YBEY: variants seen among roughly 807,000 people sequenced by gnomAD.
The protein encoded by YBEY is ybeY metalloendoribonuclease, also known as endoribonuclease YbeY.
In YBEY, 15 loss-of-function variants were observed where a neutral mutation model predicts 13.5. The ratio of observed to expected loss-of-function variants is 1.11; its 90% CI spans 0.75 to 1.72. The LOEUF (loss-of-function observed/expected upper bound fraction) is 1.72. Among genes scored for constraint, YBEY ranks in the 40% most tolerant of loss-of-function variants. The probability of loss-of-function intolerance (pLI) is 0.00; values close to 1 mark genes in which losing one functional copy is unlikely to be tolerated. For missense variants in YBEY, 244 were observed against 208.4 expected, an observed-to-expected ratio of 1.17 and a Z score of -1.05; for synonymous variants, 101 against 83.1, an observed-to-expected ratio of 1.21 and a Z score of -1.17.
At chr21:46,299,467 C>T (rs925187278), downstream of YBEY, among the ~76,000 whole-genome samples, 4 of 152,126 alleles carry the variant, frequency 2.6e-5, no homozygotes, top group African/African-American at 9.7e-5. Context: ...TGATTCTGGA[C>T]CCTCTTGCAA....
chr21:46,286,541 C>T (rs2081438425), intron 1 of YBEY, 126 bp downstream of exon 1: 1 of 205,666 alleles, frequency 4.9e-6, no homozygotes, highest in East Asian at 1.4e-4. Context: ...CCTGTCCCTC[C>T]CCCATTCCAG....
chr21:46,300,878 C>G, downstream of YBEY: 1 of 1,077,736 alleles, frequency 9.3e-7, no homozygotes, highest in Non-Finnish European at 1.2e-6. Flanking sequence ...ATAATTGCAC[C>G]CAAAAAAAAA....
the YBEY span, among the ~76,000 whole-genome samples, chr21:46,305,206 T>G: frequency 6.6e-6 from 1 of 151,560 alleles, no homozygotes; most frequent in Admixed American, 6.6e-5. Flanking sequence ...AGTCTGAGAT[T>G]TGCAAGATAA....
At chr21:46,299,287 G>A (rs1032887872), downstream of YBEY, among the ~76,000 whole-genome samples, 3 of 152,110 alleles carry the variant, frequency 2.0e-5, no homozygotes, top group African/African-American at 7.2e-5. Flanking sequence ...TGTTTCTTTA[G>A]GGAATGTGAG....
chr21:46,295,821 C>T (rs1359929401), intron 3 of YBEY, among the ~76,000 whole-genome samples: 2 of 151,910 alleles, frequency 1.3e-5, no homozygotes, highest in Non-Finnish European at 1.5e-5. Flanking sequence ...ACTGCCCCAC[C>T]ACCCCGTGGC....
the YBEY span, among the ~76,000 whole-genome samples, chr21:46,308,272 C>T: frequency 6.6e-6 from 1 of 152,050 alleles, no homozygotes; most frequent in African/African-American, 2.4e-5. Flanking sequence ...ACCAGCCTGG[C>T]CAACATGGAG....
Position 46,297,721 on chromosome 21 carries a change from G to T in YBEY, c.*87G>T. 1.6e-6 allele frequency: 2 copies of T among 1,253,398 alleles called. No individual in the cohort carries two copies. Among genetic ancestry groups the T allele is most frequent in the Non-Finnish European group, 2.0e-6 (2 of 991,004 alleles). 77.6% of individuals were successfully genotyped at this position (1,253,398 alleles called of 1,614,324 possible). On this transcript the variant is annotated 3_prime_UTR_variant, in exon 5 of 5. Transcript: ENST00000397701. ...GCACACGAATAAATAACGAATGAAC[G>T]TACGAGGGGAACCTCCTCTTATTTC...
At chr21:46,306,542 A>G in the YBEY span, among the ~76,000 whole-genome samples, 1 of 152,154 alleles carries the variant, frequency 6.6e-6, no homozygotes, top group Non-Finnish European at 1.5e-5. Flanking sequence ...CAGTTATACA[A>G]ACTCCCTCAG....
rs773002446 is a variant in YBEY at position 46,289,441 on chromosome 21, G to GTTTTTT, written c.211-1889_211-1888insTTTTTT. Among the ~76,000 whole-genome samples, 10 of 136,586 alleles carry GTTTTTT rather than the reference G, an allele frequency of 7.3e-5. 1 individual carries two copies. The highest frequency in any genetic ancestry group is 8.1e-5 in the Admixed American group (1 of 12,376). 89.6% of individuals were successfully genotyped at this position (136,586 alleles called of 152,430 possible). ...TTCAGGGAGGTAAAGGAAGGCAAGG[G>GTTTTTT]TTTTGTTTTTTTTTTTTTTTTTGAG... On this transcript the variant is annotated intron_variant, in intron 2 of 4. Coordinates refer to ENST00000397701, the MANE Select transcript of YBEY (RefSeq NM_001314025.2).
intron 2 of YBEY, among the ~76,000 whole-genome samples, chr21:46,287,864 G>A (rs4819222): frequency 0.41 from 62,083 of 151,488 alleles, 13,288 homozygotes; most frequent in Admixed American, 0.48. Context: ...TGGTTGTGCC[G>A]GGCGGGAGGT....
chr21:46,312,886 T>A, the YBEY span: 28 of 526,260 alleles, frequency 5.3e-5, no homozygotes, highest in South Asian at 2.2e-3. Flanking sequence ...CTCCATCATA[T>A]ACTGTAGTAC....
intron 3 of YBEY, chr21:46,291,788 A>C (rs773286102): frequency 1.0e-5 from 11 of 1,091,528 alleles, no homozygotes; most frequent in Non-Finnish European, 1.2e-5. Context: ...CCAGAAGTAC[A>C]GAAGTTGGAG....
chr21:46,312,888 C>A, the YBEY span: 1 of 535,018 alleles, frequency 1.9e-6, no homozygotes, highest in Non-Finnish European at 2.4e-6. Context: ...CCATCATATA[C>A]TGTAGTACAT....
At chr21:46,297,978 C>G (rs1052616388), downstream of YBEY, among the ~76,000 whole-genome samples, 5 of 99,906 alleles carry the variant, frequency 5.0e-5, no homozygotes, top group African/African-American at 1.5e-4. Context: ...AGGCTTGCGT[C>G]AGTATTTCCT....
chr21:46,303,730 TATATATA>T, the YBEY span, among the ~76,000 whole-genome samples: 3 of 28,732 alleles, frequency 1.0e-4, no homozygotes, highest in Non-Finnish European at 2.0e-4. Context: ...TATATATATA[TATATATA>T]TATATATATT....
At chr21:46,295,544 G>A (rs2081923014) in intron 3 of YBEY, among the ~76,000 whole-genome samples, 1 of 151,880 alleles carries the variant, frequency 6.6e-6, no homozygotes, top group South Asian at 2.1e-4. Flanking sequence ...CCCCTCCCCT[G>A]TGGGCTTTAA....
chr21:46,286,883 C>G lies in YBEY; in HGVS notation c.-31C>G. On this transcript the variant is annotated 5_prime_UTR_variant, in exon 2 of 5. Coordinates refer to ENST00000397701, the MANE Select transcript of YBEY (RefSeq NM_001314025.2). ...CTTTAACCCCAGGTTCCGTTGCAAA[C>G]ATTTTTAAAGGGCTGGTTATTCTTC... The G allele has an allele frequency of 6.2e-7, 1 of 1,611,092 alleles. No homozygotes were observed. The highest frequency in any genetic ancestry group is 1.3e-5 in the African/African-American group (1 of 74,904).
downstream of YBEY, chr21:46,302,580 C>T: frequency 1.2e-6 from 2 of 1,609,110 alleles, no homozygotes; most frequent in Non-Finnish European, 1.7e-6. Context: ...ACCATGTCTG[C>T]AGGGAAGAAG....
the YBEY span, among the ~76,000 whole-genome samples, chr21:46,308,780 T>C: frequency 6.6e-6 from 1 of 152,156 alleles, no homozygotes; most frequent in Non-Finnish European, 1.5e-5. Context: ...GATTAATGCA[T>C]ACATGAGATA....
Sources: allele counts gnomAD v4.1 joint callset (sites outside exome capture counted in the v4.1 genomes callset), GRCh38; gene constraint gnomAD v4.1.1; transcripts MANE v1.5; gene names NCBI Gene and HGNC (gene_info 2026-07-23, HGNC 2026-07-21).